Variants in WDR20 observed in about 807,000 individuals in gnomAD.
WDR20 encodes WD repeat-containing protein 20.
WDR20 carries 3 observed loss-of-function variants against 38.7 expected under a neutral mutation model. That is an observed-to-expected ratio of 0.08 (90% CI 0.04 to 0.20). WDR20 has a LOEUF of 0.20. WDR20 is among the 10% of genes least tolerant of loss of function. The pLI is 1.00. For synonymous variants in WDR20, 298 were observed against 285.6 expected (o/e 1.04, Z -0.44); for missense variants, 559 against 727.7 (o/e 0.77, Z 2.67).
intron 1 of WDR20, among the ~76,000 whole-genome samples, chr14:102,186,169 A>G (rs187054010): frequency 7.2e-5 from 11 of 152,358 alleles, no homozygotes; most frequent in African/African-American, 2.6e-4. Context: ...GTTAATGCCA[A>G]CTGTTCAGAT....
intron 1 of WDR20, among the ~76,000 whole-genome samples, chr14:102,149,090 A>C (rs2054791644): frequency 1.3e-5 from 2 of 151,814 alleles, no homozygotes; most frequent in African/African-American, 4.8e-5. Context: ...TGAACCCGGG[A>C]GGTGGCGCTT....
intron 1 of WDR20, among the ~76,000 whole-genome samples, chr14:102,174,947 T>G (rs2061735073): frequency 6.6e-6 from 1 of 152,220 alleles, no homozygotes; most frequent in Non-Finnish European, 1.5e-5. Flanking sequence ...TTCTTATAGA[T>G]TCTAGATATT....
intron 1 of WDR20, among the ~76,000 whole-genome samples, chr14:102,167,068 C>T (rs1336038624): frequency 6.6e-6 from 1 of 152,184 alleles, no homozygotes; most frequent in Non-Finnish European, 1.5e-5. Flanking sequence ...AGACTAAATT[C>T]CTAACACAGC....
intron 1 of WDR20, among the ~76,000 whole-genome samples, chr14:102,178,380 C>T (rs1222386813): frequency 4.0e-5 from 5 of 125,336 alleles, no homozygotes; most frequent in East Asian, 2.4e-4. Flanking sequence ...CTACAGAGTG[C>T]GACTCTGTCT....
downstream of WDR20, chr14:102,214,203 G>A (rs2062923109): frequency 1.0e-6 from 1 of 985,498 alleles, no homozygotes; most frequent in South Asian, 4.7e-5. Context: ...GGTGACAAAG[G>A]TGAAGGTTTA....
intron 1 of WDR20, among the ~76,000 whole-genome samples, chr14:102,164,944 C>T (rs1206888309): frequency 6.6e-6 from 1 of 152,200 alleles, no homozygotes; most frequent in African/African-American, 2.4e-5. Flanking sequence ...AGCAGGTATT[C>T]CTGTGAAAGC....
chr14:102,224,478 T>TA (rs991359117), downstream of WDR20: 2 of 412,646 alleles, frequency 4.8e-6, no homozygotes, highest in Non-Finnish European at 9.6e-6. Context: ...TTTATTTTTT[T>TA]AAAAAATCAT....
chr14:102,143,679 G>C (rs2052372149), intron 1 of WDR20, among the ~76,000 whole-genome samples: 1 of 151,706 alleles, frequency 6.6e-6, no homozygotes, highest in African/African-American at 2.4e-5. Context: ...CGAGCAGCTG[G>C]GACTACAGGT....
intron 1 of WDR20, among the ~76,000 whole-genome samples, chr14:102,186,375 G>A (rs2064748881): frequency 6.6e-6 from 1 of 152,200 alleles, no homozygotes; most frequent in Admixed American, 6.5e-5. Flanking sequence ...GTGGGCAGTT[G>A]AAGGTGTTTG....
chr14:102,156,012 A>C (rs1296570258), intron 1 of WDR20, among the ~76,000 whole-genome samples: 2 of 149,490 alleles, frequency 1.3e-5, no homozygotes, highest in African/African-American at 4.9e-5. Context: ...TCCTGGGCTC[A>C]TGCGAACCTC....
intron 1 of WDR20, chr14:102,167,666 G>T (rs1275844195): frequency 6.6e-6 from 1 of 152,104 alleles, no homozygotes; most frequent in African/African-American, 2.4e-5. Context: ...CTTCAGACTA[G>T]ATCCGGTCTC....
At chr14:102,147,765 CTA>C (rs1379075696) in intron 1 of WDR20, among the ~76,000 whole-genome samples, 1 of 152,298 alleles carries the variant, frequency 6.6e-6, no homozygotes, top group East Asian at 1.9e-4. Flanking sequence ...GAGTCTCACT[CTA>C]TTCCCCAGGC....
At chr14:102,179,705 C>T (rs1227905141) in intron 1 of WDR20, among the ~76,000 whole-genome samples, 1 of 152,040 alleles carries the variant, frequency 6.6e-6, no homozygotes, top group East Asian at 1.9e-4. Context: ...AAATCCCTCC[C>T]CTCATATTTG....
At chr14:102,200,083 C>A (rs1311565782) in intron 2 of WDR20, among the ~76,000 whole-genome samples, 1 of 152,212 alleles carries the variant, frequency 6.6e-6, no homozygotes, top group African/African-American at 2.4e-5. Context: ...TGCCCTCTTC[C>A]CGCTCCCTGG....
intron 1 of WDR20, among the ~76,000 whole-genome samples, chr14:102,166,811 T>C (rs1352272437): frequency 6.6e-6 from 1 of 152,182 alleles, no homozygotes; most frequent in African/African-American, 2.4e-5. Flanking sequence ...CCACCTACTT[T>C]CACTCTATCA....
chr14:102,168,739 T>G (rs762401757), intron 1 of WDR20, among the ~76,000 whole-genome samples: 1 of 152,190 alleles, frequency 6.6e-6, no homozygotes, highest in Non-Finnish European at 1.5e-5. Flanking sequence ...TTTTTCACGA[T>G]CTACTTCCAG....
intron 1 of WDR20, chr14:102,193,323 C>T (rs2058849542): frequency 1.3e-6 from 1 of 766,626 alleles, no homozygotes; most frequent in Non-Finnish European, 2.1e-6. Context: ...TTCAGCCTGC[C>T]TTGCTGTACA....
chr14:102,163,387 T>C (rs1212239), intron 1 of WDR20, among the ~76,000 whole-genome samples: 2 of 151,846 alleles, frequency 1.3e-5, no homozygotes, highest in Non-Finnish European at 2.9e-5. Flanking sequence ...CAGCACTTTG[T>C]GAGGCCGAGG....
At chr14:102,197,008 G>A (rs948006090) in intron 2 of WDR20, among the ~76,000 whole-genome samples, 4 of 152,312 alleles carry the variant, frequency 2.6e-5, no homozygotes, top group African/African-American at 9.6e-5. Context: ...CCGGAGGTTT[G>A]TTCCTTAGAG....
Sources: allele counts gnomAD v4.1 joint callset (sites outside exome capture counted in the v4.1 genomes callset), GRCh38; gene constraint gnomAD v4.1.1; transcripts MANE v1.5; gene names NCBI Gene and HGNC (gene_info 2026-07-23, HGNC 2026-07-21).